PTPN13: variants seen among roughly 807,000 people sequenced by gnomAD.
PTPN13 encodes the protein tyrosine-protein phosphatase non-receptor type 13.
A neutral mutation model predicts 284.0 loss-of-function variants in PTPN13; 191 were observed. The ratio of observed to expected loss-of-function variants is 0.67; its 90% CI spans 0.60 to 0.76. The LOEUF (loss-of-function observed/expected upper bound fraction) is 0.76, where lower values mean the gene tolerates loss of function less well. Among genes scored for constraint, PTPN13 ranks in the 30% least tolerant of loss-of-function variants. The probability of loss-of-function intolerance (pLI) is 0.00; values close to 1 mark genes in which losing one functional copy is unlikely to be tolerated. For synonymous variants in PTPN13, 986 were observed against 1,022.3 expected (o/e 0.96, Z 0.68); for missense variants, 2,797 against 2,939.9 (o/e 0.95, Z 1.12).
intron 2 of PTPN13, among the ~76,000 whole-genome samples, chr4:86,656,533 A>G (rs1383688669): frequency 1.3e-5 from 2 of 152,202 alleles, no homozygotes; most frequent in African/African-American, 4.8e-5. Flanking sequence ...CCAGGGTATC[A>G]GCAGCAGAGG....
At position 86,756,890 on chromosome 4, in the gene PTPN13, A is replaced by G. The variant is rs149308537; in HGVS notation, c.3224-1370A>G. On this transcript the variant is annotated intron_variant, in intron 20 of 47. Transcript: ENST00000411767. ...AAGGTCTAAGGAAATTCTGGCTTAC[A>G]GTTTAGTGAAACCAAAACCTCTAAT... Among the ~76,000 whole-genome samples, 721 of 152,308 alleles carry G rather than the reference A, an allele frequency of 4.7e-3. 5 individuals are homozygous for G. Among genetic ancestry groups the G allele is most frequent in the African/African-American group, 0.016 (678 of 41,578 alleles).
At chr4:86,662,442 C>G (rs1048773884) in intron 2 of PTPN13, among the ~76,000 whole-genome samples, 2 of 152,132 alleles carry the variant, frequency 1.3e-5, no homozygotes, top group Non-Finnish European at 2.9e-5. Flanking sequence ...AGTGATTCTC[C>G]TGCCTCAGCC....
intron 3 of PTPN13, among the ~76,000 whole-genome samples, chr4:86,678,964 A>G (rs769831930): frequency 3.9e-5 from 6 of 152,210 alleles, no homozygotes; most frequent in Non-Finnish European, 7.4e-5. Flanking sequence ...ACCCATATAT[A>G]ATCTTGTTCT....
intron 32 of PTPN13, among the ~76,000 whole-genome samples, chr4:86,773,865 ATATTT>A (rs1035708995): frequency 3.8e-4 from 58 of 152,206 alleles, no homozygotes; most frequent in African/African-American, 1.4e-3. Context: ...TTTTAAAAGT[ATATTT>A]TATTTATACA....
intron 21 of PTPN13, 39 bp from the exon 22 acceptor site, chr4:86,758,639 A>C (rs1244766141): frequency 1.3e-6 from 2 of 1,523,680 alleles, no homozygotes; most frequent in Non-Finnish European, 1.8e-6. Flanking sequence ...CTTTGAAAGC[A>C]GCAATATGAA....
intron 5 of PTPN13, chr4:86,689,700 C>T (rs1467600784): frequency 2.8e-6 from 2 of 702,410 alleles, no homozygotes; most frequent in Admixed American, 4.0e-5. Flanking sequence ...TGCTTGTATC[C>T]CTGCCAGATT....
intron 15 of PTPN13, among the ~76,000 whole-genome samples, chr4:86,736,336 A>G (rs1214576359): frequency 6.6e-6 from 1 of 152,222 alleles, no homozygotes; most frequent in African/African-American, 2.4e-5. Flanking sequence ...TATTATGTAA[A>G]CTTCCAATGC....
chr4:86,669,285 GTATATATATATA>G (rs34939020), intron 2 of PTPN13, among the ~76,000 whole-genome samples: 6 of 113,342 alleles, frequency 5.3e-5, no homozygotes, highest in African/African-American at 1.7e-4. Flanking sequence ...GGAAGAAGAT[GTATATATATATA>G]TATATATATA....
Position 86,659,853 on chromosome 4 carries a change from A to G in PTPN13, c.116-12512A>G, listed in dbSNP as rs547210966. On this transcript the variant is annotated intron_variant, in intron 2 of 47. Transcript: ENST00000411767. ...CACAACAACAACAGAAAAAAAAAAA[A>G]GAAAAAAACTTAAAAGCCACACGTG... Among the ~76,000 whole-genome samples the G allele has an allele frequency of 2.0e-5, 3 of 152,010 alleles. No individual in the cohort carries two copies. The East Asian group carries it at 5.8e-4, about 29-fold the overall frequency.
At chr4:86,731,167 G>GTGC (rs1734907146) in intron 10 of PTPN13, among the ~76,000 whole-genome samples, 1 of 152,184 alleles carries the variant, frequency 6.6e-6, no homozygotes, top group African/African-American at 2.4e-5. Flanking sequence ...ACATTCATTA[G>GTGC]TTCAAGCACA....
intron 7 of PTPN13, among the ~76,000 whole-genome samples, chr4:86,708,584 G>C (rs973314590): frequency 8.6e-5 from 13 of 152,022 alleles, no homozygotes; most frequent in African/African-American, 2.7e-4. Flanking sequence ...GTTTGGCTTT[G>C]ACATAGCCAC....
At chr4:86,709,320 T>G (rs1732118372) in intron 7 of PTPN13, among the ~76,000 whole-genome samples, 1 of 152,150 alleles carries the variant, frequency 6.6e-6, no homozygotes, top group Non-Finnish European at 1.5e-5. Context: ...TTATTGCTTT[T>G]CAGGAGCTTG....
chr4:86,697,994 T>C (rs886606885), intron 6 of PTPN13, among the ~76,000 whole-genome samples: 13 of 152,316 alleles, frequency 8.5e-5, no homozygotes, highest in Admixed American at 8.5e-4. Flanking sequence ...ATGAAATCTT[T>C]TATTTGTAAA....
In PTPN13 at chr4:86,732,696, T is replaced by C; in HGVS notation, c.1788T>C (p.Asp596=). The C allele has an allele frequency of 6.2e-7, 1 of 1,613,628 alleles. No homozygotes were observed. Among genetic ancestry groups the C allele is most frequent in the East Asian group, 2.2e-5 (1 of 44,808 alleles). Reference sequence around the variant, plus strand: ...GTGATACCAAAACTATATGTAAAGATGTGTTTGATATGGTTGTGGCACATA... The same window carrying C: ...GTGATACCAAAACTATATGTAAAGACGTGTTTGATATGGTTGTGGCACATA... The part of the protein sequence containing the change: ...LTCDTKTICK[D]VFDMVVAHIG... The change falls in exon 12 of 48, where the codon GAT becomes GAC. Residue 596 remains aspartate (D), a synonymous_variant. Transcript: ENST00000411767.
intron 15 of PTPN13, among the ~76,000 whole-genome samples, chr4:86,740,961 CAGTTCCCAACA>C (rs568198782): frequency 7.6e-4 from 116 of 152,268 alleles, no homozygotes; most frequent in African/African-American, 2.4e-3. Flanking sequence ...ACCTCTGCTC[CAGTTCCCAACA>C]AGTTCCCAAC....
chr4:86,750,447 A>T (rs1737252196), intron 17 of PTPN13, 23 bp from the exon 18 acceptor site: 1 of 1,586,092 alleles, frequency 6.3e-7, no homozygotes, highest in Admixed American at 1.8e-5. Flanking sequence ...ACCATCATGT[A>T]AAGCAATCCT....
chr4:86,777,471 C>T (rs1382290492), intron 35 of PTPN13, among the ~76,000 whole-genome samples: 1 of 152,044 alleles, frequency 6.6e-6, no homozygotes, highest in Admixed American at 6.6e-5. Flanking sequence ...ATAACCTCCC[C>T]ACATCAAAAT....
At chr4:86,777,613 A>C (rs1429986577) in intron 35 of PTPN13, among the ~76,000 whole-genome samples, 1 of 148,404 alleles carries the variant, frequency 6.7e-6, no homozygotes, top group Non-Finnish European at 1.5e-5. Context: ...CACAATTTAC[A>C]GGAATCCAGG....
chr4:86,673,216 A>G (rs761517066), intron 3 of PTPN13, among the ~76,000 whole-genome samples: 4 of 152,162 alleles, frequency 2.6e-5, no homozygotes, highest in Non-Finnish European at 4.4e-5. Flanking sequence ...CCCGATCTCT[A>G]ATATATGGCA....
Sources: gnomAD v4.1 joint callset for allele counts (sites outside exome capture counted in the v4.1 genomes callset) on GRCh38, gnomAD v4.1.1 for gene constraint, MANE v1.5 for transcripts, NCBI Gene and HGNC (gene_info 2026-07-23, HGNC 2026-07-21) for gene names.